The following PRKCE variants were observed in gnomAD, a reference collection of about 807,000 sequenced individuals.
PRKCE encodes protein kinase C epsilon, also known as protein kinase C epsilon type.
PRKCE carries 16 observed loss-of-function variants against 85.4 expected under a neutral mutation model. That is an observed-to-expected ratio of 0.19 (90% CI 0.13 to 0.28). The LOEUF (loss-of-function observed/expected upper bound fraction) is 0.28. Among genes scored for constraint, PRKCE ranks in the 10% least tolerant of loss-of-function variants. PRKCE has a pLI of 1.00. For synonymous variants in PRKCE, 388 were observed against 371.5 expected (o/e 1.04, Z -0.51); for missense variants, 573 against 975.2 (o/e 0.59, Z 5.49).
intron 2 of PRKCE, among the ~76,000 whole-genome samples, chr2:45,886,919 C>T (rs1573752248): frequency 6.6e-6 from 1 of 152,158 alleles, no homozygotes; most frequent in Non-Finnish European, 1.5e-5. Flanking sequence ...AAAGACCTTT[C>T]GGGTCTACTC....
intron 1 of PRKCE, among the ~76,000 whole-genome samples, chr2:45,835,982 A>T (rs758899763): frequency 9.9e-5 from 15 of 152,164 alleles, no homozygotes; most frequent in Non-Finnish European, 2.1e-4. Context: ...GACATTTGGG[A>T]CATTTCCAGT....
chr2:46,154,718 A>G (rs1177003091), intron 13 of PRKCE, among the ~76,000 whole-genome samples: 1 of 146,542 alleles, frequency 6.8e-6, no homozygotes, highest in East Asian at 2.0e-4. Flanking sequence ...ACTCAGTAGC[A>G]TTTTCTCAGT....
At chr2:46,135,746 CTTTTTTT>C (rs11417233) in intron 11 of PRKCE, among the ~76,000 whole-genome samples, 2,053 of 20,672 alleles carry the variant, frequency 0.099, 85 homozygotes, top group Non-Finnish European at 0.13. Flanking sequence ...ACAAATTATG[CTTTTTTT>C]TTTTTTTTTT....
intron 10 of PRKCE, among the ~76,000 whole-genome samples, chr2:46,072,103 T>G (rs1668130801): frequency 6.6e-6 from 1 of 152,230 alleles, no homozygotes; most frequent in African/African-American, 2.4e-5. Flanking sequence ...AGAGTAAATC[T>G]GAATGGAAAT....
rs1667805239 is a variant in PRKCE at position 46,068,413 on chromosome 2, T to C, written c.1438-17795T>C. On this transcript the variant is annotated intron_variant, in intron 10 of 14. Coordinates refer to ENST00000306156, the MANE Select transcript of PRKCE (RefSeq NM_005400.3). This position sits in a 1 kb window ranked among gnomAD's most constrained non-coding sequence, Gnocchi z 4.3. ...ATAGCAGAGCAGAACCAAAATGATA[T>C]TAAATATATTAATTGATATATCTAA... Among the ~76,000 whole-genome samples the C allele has an allele frequency of 6.6e-6, 1 of 152,190 alleles. No homozygotes were observed. The highest frequency in any genetic ancestry group is 2.4e-5 in the African/African-American group (1 of 41,450).
intron 1 of PRKCE, among the ~76,000 whole-genome samples, chr2:45,725,740 A>G (rs1468575099): frequency 6.6e-6 from 1 of 151,602 alleles, no homozygotes; most frequent in African/African-American, 2.4e-5. Flanking sequence ...CTGAGGCAGG[A>G]TGATCGCTTG....
At chr2:46,136,746 G>A (rs1403346738) in intron 11 of PRKCE, among the ~76,000 whole-genome samples, 1 of 152,172 alleles carries the variant, frequency 6.6e-6, no homozygotes, top group African/African-American at 2.4e-5. Context: ...GAGCCCCACT[G>A]TCTTTGCTTT....
At chr2:45,661,244 A>G (rs143273514) in intron 1 of PRKCE, among the ~76,000 whole-genome samples, 2,737 of 149,216 alleles carry the variant, frequency 0.018, 80 homozygotes, top group African/African-American at 0.064. Flanking sequence ...GTGCAGTGGC[A>G]TGATATCGGA....
At chr2:46,117,136 C>T (rs1241826737) in intron 11 of PRKCE, among the ~76,000 whole-genome samples, 1 of 152,126 alleles carries the variant, frequency 6.6e-6, no homozygotes, top group East Asian at 1.9e-4. Context: ...GTGAGGGCAC[C>T]AGAGGGGTGG....
chr2:45,901,844 G>T (rs114019792), intron 2 of PRKCE, among the ~76,000 whole-genome samples: 1 of 152,194 alleles, frequency 6.6e-6, no homozygotes, highest in African/African-American at 2.4e-5. Context: ...GCTCACACAC[G>T]ATGTCTGTAA....
At chr2:45,716,684 A>AAG (rs1553387027) in intron 1 of PRKCE, among the ~76,000 whole-genome samples, 1 of 116,808 alleles carries the variant, frequency 8.6e-6, no homozygotes, top group Non-Finnish European at 1.9e-5. Flanking sequence ...GAAGAAGAAG[A>AAG]AGAAGAGAAG....
At chr2:45,965,760 G>A (rs1054173195) in intron 2 of PRKCE, among the ~76,000 whole-genome samples, 4 of 151,962 alleles carry the variant, frequency 2.6e-5, no homozygotes, top group African/African-American at 9.7e-5. Context: ...TCCATCCACA[G>A]TCTTGCTTAT....
At chr2:45,757,473 T>C (rs1384217854) in intron 1 of PRKCE, among the ~76,000 whole-genome samples, 1 of 151,900 alleles carries the variant, frequency 6.6e-6, no homozygotes. Flanking sequence ...TTAAAACCAG[T>C]CTGGGCAACA....
chr2:45,967,537 A>G (rs970783287), intron 2 of PRKCE, among the ~76,000 whole-genome samples: 1 of 152,162 alleles, frequency 6.6e-6, no homozygotes, highest in East Asian at 1.9e-4. Context: ...GCCTTTATCA[A>G]CCATTATAGT....
At position 46,185,123 on chromosome 2, in the gene PRKCE, C is replaced by G. The variant is rs1680361945; in HGVS notation, c.*242C>G. The G allele has an allele frequency of 1.9e-6, 1 of 522,124 alleles. No homozygotes were observed. The allele number at this position is 522,124 out of a possible 1,614,324, so 32.3% of individuals were successfully genotyped here. ...GCAGACTCATTGGGTCAGCAATTAG[C>G]TGTATACACTGCCGTGTTTGGACCA... On this transcript the variant is annotated 3_prime_UTR_variant, in exon 15 of 15. Transcript: ENST00000306156. The surrounding 1 kb of genome is among the most constrained non-coding windows in gnomAD (Gnocchi z 4.7).
intron 2 of PRKCE, among the ~76,000 whole-genome samples, chr2:45,914,332 C>T (rs909867368): frequency 2.0e-5 from 3 of 152,162 alleles, no homozygotes; most frequent in Non-Finnish European, 2.9e-5. Context: ...ACACCAGAGG[C>T]AGGGATGAGC....
At chr2:46,012,274 A>C (rs1459387752) in intron 10 of PRKCE, among the ~76,000 whole-genome samples, 2 of 150,166 alleles carry the variant, frequency 1.3e-5, no homozygotes, top group Non-Finnish European at 1.5e-5. Context: ...ATCTTTCTTT[A>C]TCTCTCTCTC....
chr2:45,893,827 G>A (rs760879945), intron 2 of PRKCE, among the ~76,000 whole-genome samples: 6 of 152,130 alleles, frequency 3.9e-5, no homozygotes, highest in Non-Finnish European at 7.3e-5. Context: ...AGCTCCTGAG[G>A]ACCGGGGCTG....
At chr2:45,871,617 G>A (rs915616382) in intron 2 of PRKCE, among the ~76,000 whole-genome samples, 1 of 152,196 alleles carries the variant, frequency 6.6e-6, no homozygotes, top group African/African-American at 2.4e-5. Context: ...ATGGGATTCA[G>A]GTAAACAGCT....
Sources: gnomAD v4.1 joint callset for allele counts (sites outside exome capture counted in the v4.1 genomes callset) on GRCh38, gnomAD v4.1.1 for gene constraint, Gnocchi (gnomAD v3.1) non-coding constraint, MANE v1.5 for transcripts, NCBI Gene and HGNC (gene_info 2026-07-23, HGNC 2026-07-21) for gene names.